GALNT10: variants seen among roughly 807,000 people sequenced by gnomAD.
GALNT10 encodes the protein polypeptide N-acetylgalactosaminyltransferase 10.
GALNT10 carries 41 observed loss-of-function variants against 75.0 expected under a neutral mutation model. The observed-to-expected ratio is 0.55, with a 90% CI of 0.43 to 0.71. The LOEUF (loss-of-function observed/expected upper bound fraction) is 0.71, where lower values mean the gene tolerates loss of function less well. Ranked by LOEUF, GALNT10 falls within the 30% of genes least tolerant of loss-of-function variation. GALNT10 has a pLI of 0.00. For missense variants in GALNT10, 727 were observed against 818.5 expected (o/e 0.89, Z 1.36); for synonymous variants, 302 against 313.0 (o/e 0.96, Z 0.37).
rs774868239 is a variant in GALNT10 at position 154,338,010 on chromosome 5, C to T, written c.568+8272C>T. The T allele has an allele frequency of 3.6e-5, 56 of 1,557,538 alleles. No homozygotes were observed. In the African/African-American group the frequency reaches 4.6e-4, roughly 13 times the overall value. On this transcript the variant is annotated intron_variant, in intron 4 of 11. Transcript: ENST00000297107. ...AAAGCCCCTTTTCTTGCCACTGCCT[C>T]GATCAGTCATGATTGCAATCACTTC... is the stretch of plus-strand genomic sequence containing the variant.
intron 1 of GALNT10, among the ~76,000 whole-genome samples, chr5:154,265,440 G>A (rs1404505877): frequency 2.0e-5 from 3 of 152,178 alleles, no homozygotes; most frequent in Admixed American, 2.0e-4. Context: ...AGGAGCATTT[G>A]CAAAAGTCTT....
chr5:154,412,187 G>C lies in GALNT10; in HGVS notation c.1387-702G>C, dbSNP rs888596036. Among the ~76,000 whole-genome samples, 1 of 152,184 alleles carries C rather than the reference G, an allele frequency of 6.6e-6. No individual in the cohort carries two copies. Among genetic ancestry groups the C allele is most frequent in the Non-Finnish European group, 1.5e-5 (1 of 68,034 alleles). Reference sequence around the variant, plus strand: ...AGCCCCCTATCCCTCAGATAAAGTAGGATTGATATCTGTAAGGTTGGAACT... The same window carrying C: ...AGCCCCCTATCCCTCAGATAAAGTACGATTGATATCTGTAAGGTTGGAACT... On this transcript the variant is annotated intron_variant, in intron 9 of 11. Coordinates refer to ENST00000297107, the MANE Select transcript of GALNT10 (RefSeq NM_198321.4). The surrounding 1 kb of genome is among the most constrained non-coding windows in gnomAD (Gnocchi z 4.2).
rs1371137256 is a variant in GALNT10, at chr5:154,416,510, C to CACACACAA, written c.1654-297_1654-296insAACACACA. Among the ~76,000 whole-genome samples the CACACACAA allele has an allele frequency of 2.0e-5, 3 of 151,596 alleles. No individual in the cohort carries two copies. Among genetic ancestry groups the CACACACAA allele is most frequent in the East Asian group, 3.9e-4 (2 of 5,164 alleles). On this transcript the variant is annotated intron_variant, in intron 11 of 11. Coordinates refer to ENST00000297107, the MANE Select transcript of GALNT10 (RefSeq NM_198321.4). This position sits in a 1 kb window ranked among gnomAD's most constrained non-coding sequence, Gnocchi z 4.5. ...ACACACACACACACACACACACACACACACACACGATAAGGACCAGTGAGG... is the reference window on the plus strand; with the variant it reads ...ACACACACACACACACACACACACACACACACAAACACACACGATAAGGACCAGTGAGG...
chr5:154,301,554 G>GT (rs1223187515), intron 3 of GALNT10, among the ~76,000 whole-genome samples: 4 of 137,526 alleles, frequency 2.9e-5, no homozygotes, highest in African/African-American at 8.3e-5. Context: ...GTTGCTTCTT[G>GT]TTTTTTTGTT....
At chr5:154,218,201 C>CA (rs1370485535) in intron 1 of GALNT10, 2 of 858,954 alleles carry the variant, frequency 2.3e-6, no homozygotes, top group Non-Finnish European at 2.8e-6. Flanking sequence ...CTCCCCACCT[C>CA]ATGGGTCCCT....
chr5:154,391,276 CAG>C (rs1755891773), intron 7 of GALNT10, among the ~76,000 whole-genome samples: 1 of 152,198 alleles, frequency 6.6e-6, no homozygotes, highest in Non-Finnish European at 1.5e-5. Flanking sequence ...TTCTTGGTGA[CAG>C]AGAGAAGCCT....
chr5:154,256,597 G>C (rs954048666), intron 1 of GALNT10, among the ~76,000 whole-genome samples: 4 of 152,070 alleles, frequency 2.6e-5, no homozygotes, highest in African/African-American at 9.7e-5. Context: ...GAATACAATT[G>C]TGTTCTTCAA....
chr5:154,251,562 G>A (rs1274948206), intron 1 of GALNT10, among the ~76,000 whole-genome samples: 1 of 152,036 alleles, frequency 6.6e-6, no homozygotes, highest in Non-Finnish European at 1.5e-5. Flanking sequence ...GGGATGCCAT[G>A]TTTCTACACC....
At position 154,419,712 on chromosome 5, in the gene GALNT10, T is replaced by A. The variant is rs1756590561; in HGVS notation, c.*2740T>A. On this transcript the variant is annotated 3_prime_UTR_variant, in exon 12 of 12. Transcript: ENST00000297107. ...GACTGGCTCCATTTCATGGACCAACTGATCAATTGCCAGTACTAAGCCACT... is the reference window on the plus strand; with the variant it reads ...GACTGGCTCCATTTCATGGACCAACAGATCAATTGCCAGTACTAAGCCACT... 6.6e-6 allele frequency: 1 copy of A among 152,258 alleles called. No individual in the cohort carries two copies. Among genetic ancestry groups the A allele is most frequent in the Non-Finnish European group, 1.5e-5 (1 of 68,064 alleles). 9.4% of individuals were successfully genotyped at this position (152,258 alleles called of 1,614,324 possible).
chr5:154,357,477 G>A (rs1755313366), intron 4 of GALNT10, among the ~76,000 whole-genome samples: 1 of 151,998 alleles, frequency 6.6e-6, no homozygotes, highest in Non-Finnish European at 1.5e-5. Context: ...AACTCCATTT[G>A]GTGAATTACT....
intron 1 of GALNT10, among the ~76,000 whole-genome samples, chr5:154,212,135 G>A (rs1008609293): frequency 3.3e-5 from 5 of 152,146 alleles, no homozygotes; most frequent in Non-Finnish European, 5.9e-5. Flanking sequence ...AGTAAGACAT[G>A]CTCTGAAATT....
chr5:154,359,192 A>G (rs1315633591), intron 4 of GALNT10, among the ~76,000 whole-genome samples: 1 of 151,912 alleles, frequency 6.6e-6, no homozygotes, highest in Non-Finnish European at 1.5e-5. Flanking sequence ...TGGTAAACGC[A>G]CCCTCCTAAC....
rs148944786 is a variant in GALNT10, at chr5:154,355,133, T to G, written c.569-21144T>G. On this transcript the variant is annotated intron_variant, in intron 4 of 11. Coordinates refer to ENST00000297107, the MANE Select transcript of GALNT10 (RefSeq NM_198321.4). ...GAGCTGGGGTGGGACAGATGAGGGG[T>G]GGATGCTGCTGCAGGACAGGGCTCA... Among the ~76,000 whole-genome samples the G allele has an allele frequency of 7.2e-5, 11 of 152,108 alleles. No homozygotes were observed. In the East Asian group the frequency reaches 1.9e-3, roughly 27 times the overall value.
chr5:154,206,124 A>G (rs1464330905), intron 1 of GALNT10, among the ~76,000 whole-genome samples: 1 of 152,226 alleles, frequency 6.6e-6, no homozygotes, highest in Non-Finnish European at 1.5e-5. Flanking sequence ...AATCTCTTCT[A>G]GCTACTTACA....
intron 1 of GALNT10, among the ~76,000 whole-genome samples, chr5:154,247,387 C>A (rs987352854): frequency 2.6e-5 from 4 of 152,090 alleles, no homozygotes; most frequent in South Asian, 2.1e-4. Context: ...TTGAATCTAT[C>A]AATTACCTTG....
chr5:154,259,878 AT>A (rs1753677172), intron 1 of GALNT10, among the ~76,000 whole-genome samples: 1 of 152,220 alleles, frequency 6.6e-6, no homozygotes, highest in African/African-American at 2.4e-5. Context: ...GCAAACATGT[AT>A]TTAGCACCTT....
At chr5:154,228,492 G>T (rs1382847183) in intron 1 of GALNT10, among the ~76,000 whole-genome samples, 2 of 152,208 alleles carry the variant, frequency 1.3e-5, no homozygotes, top group African/African-American at 4.8e-5. Context: ...CTTCTGCCAT[G>T]TGCCTAATAA....
chr5:154,240,003 G>A (rs1345380506), intron 1 of GALNT10, among the ~76,000 whole-genome samples: 1 of 152,232 alleles, frequency 6.6e-6, no homozygotes, highest in East Asian at 1.9e-4. Context: ...GGACTTGGCA[G>A]AGCTGCTTTT....
At chr5:154,278,978 G>T (rs899702499) in intron 1 of GALNT10, among the ~76,000 whole-genome samples, 1 of 152,048 alleles carries the variant, frequency 6.6e-6, no homozygotes, top group African/African-American at 2.4e-5. Flanking sequence ...GCTACCTTTT[G>T]CCTATTGTGG....
Sources: gnomAD v4.1 joint callset for allele counts (sites outside exome capture counted in the v4.1 genomes callset) on GRCh38, gnomAD v4.1.1 for gene constraint, Gnocchi (gnomAD v3.1) non-coding constraint, MANE v1.5 for transcripts, NCBI Gene and HGNC (gene_info 2026-07-23, HGNC 2026-07-21) for gene names.